MAP1A: variants seen among roughly 807,000 people sequenced by gnomAD.
MAP1A encodes microtubule associated protein 1A.
A neutral mutation model predicts 185.9 loss-of-function variants in MAP1A; 42 were observed. The ratio of observed to expected loss-of-function variants is 0.23; its 90% confidence interval spans 0.18 to 0.29. The LOEUF is 0.29. MAP1A is among the 10% of genes least tolerant of loss of function. The pLI is 1.00. For synonymous variants in MAP1A, 1,229 were observed against 1,335.9 expected, an observed-to-expected ratio of 0.92 and a Z score of 1.74; for missense variants, 2,995 against 3,450.4, an observed-to-expected ratio of 0.87 and a Z score of 3.31.
At chr15:43,512,139 A>T in intron 1 of MAP1A, 1 of 1,056,808 alleles carries the variant, frequency 9.5e-7, no homozygotes, top group South Asian at 1.3e-5. Flanking sequence ...CAGTCTCACC[A>T]CCCTACAACC....
At position 43,522,551 on chromosome 15, in the gene MAP1A, G is replaced by C. The variant is rs1566977221; in HGVS notation, c.1078G>C (p.Glu360Gln). ...SELAKELAKT[E>Q]KKAKESSEKP... ...GCTGGCCAAGGAGTTAGCCAAGACAGAGAAGAAGGCAAAAGAGTCATCTGA... is the reference window on the plus strand; with the variant it reads ...GCTGGCCAAGGAGTTAGCCAAGACACAGAAGAAGGCAAAAGAGTCATCTGA... The change falls in exon 4 of 6, where the codon GAG (glutamate) becomes CAG (glutamine). Residue 360 changes from glutamate (E) to glutamine (Q), a missense_variant. By Grantham distance (29) the Glu-to-Gln change is conservative. Transcript: ENST00000300231. The surrounding 1 kb of genome is among the most constrained non-coding windows in gnomAD (Gnocchi z 5.9). 1 of 1,611,636 alleles carries C rather than the reference G, an allele frequency of 6.2e-7. No individual in the cohort carries two copies. Among genetic ancestry groups the C allele is most frequent in the South Asian group, 1.1e-5 (1 of 90,816 alleles).
At position 43,525,222 on chromosome 15, in the gene MAP1A, C is replaced by T; in HGVS notation, c.3749C>T (p.Thr1250Ile). ...LMQAEDTSHHTAPMSVPEPHA... is the reference protein window; with the variant it reads ...LMQAEDTSHHIAPMSVPEPHA... ...CAGGCCGAGGATACCTCTCACCACA[C>T]AGCTCCCATGTCTGTTCCAGAGCCC... is the stretch of plus-strand genomic sequence containing the variant. Residue 1250 changes from threonine (T) to isoleucine (I), a missense_variant, in exon 4 of 6, where the codon ACA (threonine) becomes ATA (isoleucine). By Grantham distance (89) the Thr-to-Ile change is moderately conservative. Coordinates refer to ENST00000300231, the MANE Select transcript of MAP1A (RefSeq NM_002373.6). 1 of 1,614,154 alleles carries T rather than the reference C, an allele frequency of 6.2e-7. No individual in the cohort carries two copies. The highest frequency in any genetic ancestry group is 1.3e-5 in the African/African-American group (1 of 75,054).
rs1382692947 is a variant in MAP1A, at chr15:43,524,208, G to A, written c.2735G>A (p.Cys912Tyr). ...GACAAGGGCTTCAAATCACCACCCT[G>A]TGAGGACTTCTCTGTGACTGGGGAG... Reference protein sequence around the residue: ...EEDKGFKSPPCEDFSVTGESE... With the variant: ...EEDKGFKSPPYEDFSVTGESE... Residue 912 changes from cysteine (C) to tyrosine (Y), a missense_variant, in exon 4 of 6, where the codon TGT becomes TAT. By Grantham distance (194) the Cys-to-Tyr change is radical. This residue lies in a region of MAP1A where 2,728 missense variants were observed against 2,986.0 expected (regional missense o/e 0.91). Transcript: ENST00000300231. 6 of 1,614,200 alleles carry A rather than the reference G, an allele frequency of 3.7e-6. No individual in the cohort carries two copies. Among genetic ancestry groups the A allele is most frequent in the Non-Finnish European group, 2.5e-6 (3 of 1,180,036 alleles).
In MAP1A at chr15:43,522,325, G is replaced by A; in HGVS notation, c.852G>A (p.Arg284=). Residue 284 remains arginine (R), a synonymous_variant, in exon 4 of 6, where the codon CGG becomes CGA. Coordinates refer to ENST00000300231, the MANE Select transcript of MAP1A (RefSeq NM_002373.6). The surrounding 1 kb of genome is among the most constrained non-coding windows in gnomAD (Gnocchi z 5.9). ...TCTTGGAGGGCCTAGAAAAGCTTCG[G>A]CATCTGGACTTCCTGCGTTACCCTG... ...NKILEGLEKL[R]HLDFLRYPVA... 1.9e-6 allele frequency: 3 copies of A among 1,614,150 alleles called. No individual in the cohort carries two copies. Among genetic ancestry groups the A allele is most frequent in the Non-Finnish European group, 2.5e-6 (3 of 1,180,036 alleles).
At position 43,523,146 on chromosome 15, in the gene MAP1A, C is replaced by T. The variant is rs2079326755; in HGVS notation, c.1673C>T (p.Pro558Leu). The change falls in exon 4 of 6, where the codon CCA becomes CTA. Residue 558 changes from proline (P) to leucine (L), a missense_variant. Pro to Leu is a moderately conservative substitution (Grantham distance 98, BLOSUM62 -3). This residue lies in a region of MAP1A where 2,728 missense variants were observed against 2,986.0 expected (regional missense o/e 0.91). Transcript: ENST00000300231. Reference protein sequence around the residue: ...EQRDTGLGDKPFPLDTAEEGP... With the variant: ...EQRDTGLGDKLFPLDTAEEGP... The stretch of plus-strand genomic sequence containing the variant: ...AGGGACACAGGACTAGGAGATAAGC[C>T]ATTCCCTCTAGACACTGCAGAGGAG... 1.9e-6 allele frequency: 3 copies of T among 1,614,028 alleles called. No homozygotes were observed. Among genetic ancestry groups the T allele is most frequent in the Non-Finnish European group, 8.5e-7 (1 of 1,180,026 alleles).
chr15:43,529,774 T>C lies in MAP1A; in HGVS notation c.8160T>C (p.Tyr2720=). Residue 2720 remains tyrosine, a synonymous_variant, in exon 5 of 6, where the codon TAT becomes TAC. Coordinates refer to ENST00000300231, the MANE Select transcript of MAP1A (RefSeq NM_002373.6). The surrounding 1 kb of genome is among the most constrained non-coding windows in gnomAD (Gnocchi z 4.3). ...DFFRRVRASY[Y]VVSGNDPANG... ...TCCGTCGAGTGCGTGCATCCTACTA[T>C]GTGGTCAGTGGGAATGACCCTGCCA... The C allele has an allele frequency of 1.2e-6, 2 of 1,614,106 alleles. No individual in the cohort carries two copies. Among genetic ancestry groups the C allele is most frequent in the Non-Finnish European group, 1.7e-6 (2 of 1,180,002 alleles).
rs1315132098 is a variant in MAP1A, at chr15:43,524,826, T to C, written c.3353T>C (p.Leu1118Pro). 5.0e-6 allele frequency: 8 copies of C among 1,614,122 alleles called. No individual in the cohort carries two copies. The highest frequency in any genetic ancestry group is 1.3e-5 in the African/African-American group (1 of 75,016). The change falls in exon 4 of 6, where the codon CTT (leucine) becomes CCT (proline). Residue 1118 changes from leucine to proline, a missense_variant. Leu to Pro is a moderately conservative substitution (Grantham distance 98, BLOSUM62 -3). This residue lies in a region of MAP1A where 2,728 missense variants were observed against 2,986.0 expected (regional missense o/e 0.91). Coordinates refer to ENST00000300231, the MANE Select transcript of MAP1A (RefSeq NM_002373.6). ...PTGPILGAEA[L>P]PGGLRTLPQE... ...GGCCCAATTCTGGGAGCAGAAGCCCTTCCCGGAGGTTTGAGGACTTTACCC... is the reference window on the plus strand; with the variant it reads ...GGCCCAATTCTGGGAGCAGAAGCCCCTCCCGGAGGTTTGAGGACTTTACCC...
Position 43,521,812 on chromosome 15 carries a change from G to C in MAP1A, c.339G>C (p.Gln113His). The C allele has an allele frequency of 6.2e-7, 1 of 1,614,256 alleles. No individual in the cohort carries two copies. Among genetic ancestry groups the C allele is most frequent in the Non-Finnish European group, 8.5e-7 (1 of 1,180,048 alleles). The change falls in exon 4 of 6, where the codon CAG (glutamine) becomes CAC (histidine). Residue 113 changes from glutamine (Q) to histidine (H), a missense_variant. By Grantham distance (24) the Gln-to-His change is conservative (BLOSUM62 0). Around this residue, in one of 3 missense-constraint regions of MAP1A, gnomAD observed 264 missense variants for 435.3 expected, o/e 0.61. Coordinates refer to ENST00000300231, the MANE Select transcript of MAP1A (RefSeq NM_002373.6). This position sits in a 1 kb window ranked among gnomAD's most constrained non-coding sequence, Gnocchi z 4.6. ...QRKVAELEEE[Q>H]SQGSSSYSDW... ...AAGTGGCAGAGCTAGAGGAGGAGCA[G>C]TCCCAGGGCTCTAGCAGTTACAGCG...
In MAP1A at chr15:43,526,064, G is replaced by T; in HGVS notation, c.4591G>T (p.Glu1531Ter). Residue 1531 changes from glutamate (E) to a stop codon, truncating the protein, a stop_gained, in exon 4 of 6, where the codon GAA becomes TAA. Coordinates refer to ENST00000300231, the MANE Select transcript of MAP1A (RefSeq NM_002373.6). LOFTEE classifies it high-confidence loss of function. The surrounding 1 kb of genome is among the most constrained non-coding windows in gnomAD (Gnocchi z 4.7). ...RDLEQTDKAP[E>*]QKHQAQEQKD... ...CCTAGAACAGACAGACAAAGCCCCT[G>T]AACAGAAACACCAGGCCCAGGAACA... is the stretch of plus-strand genomic sequence containing the variant. The T allele has an allele frequency of 6.2e-7, 1 of 1,614,044 alleles. No homozygotes were observed. The highest frequency in any genetic ancestry group is 1.1e-5 in the South Asian group (1 of 91,076).
rs773557714 is a variant in MAP1A at position 43,530,049 on chromosome 15, ATATCT to A, written c.8257-14_8257-10del. The A allele has an allele frequency of 6.2e-6, 10 of 1,613,186 alleles. No homozygotes were observed. The highest frequency in any genetic ancestry group is 5.0e-5 in the Admixed American group (3 of 59,992). On this transcript the variant is annotated splice_polypyrimidine_tract_variant and intron_variant, in intron 5 of 5. Coordinates refer to ENST00000300231, the MANE Select transcript of MAP1A (RefSeq NM_002373.6). ...TTCCCTTTATGTTCTCACATCAGACATATCTTATCTCCCTTCTAGGTGACTCTGAT... is the reference window on the plus strand; with the variant it reads ...TTCCCTTTATGTTCTCACATCAGACATATCTCCCTTCTAGGTGACTCTGAT...
In MAP1A at chr15:43,529,319, G is replaced by A. The variant is rs755599328; in HGVS notation, c.7846G>A (p.Ala2616Thr). 19 of 1,614,036 alleles carry A rather than the reference G, an allele frequency of 1.2e-5. No homozygotes were observed. The highest frequency in any genetic ancestry group is 1.5e-5 in the Non-Finnish European group (18 of 1,180,008). The change falls in exon 4 of 6, where the codon GCG becomes ACG. Residue 2616 changes from alanine (A) to threonine (T), a missense_variant. Around this residue, in one of 3 missense-constraint regions of MAP1A, gnomAD observed 2,728 missense variants for 2,986.0 expected, o/e 0.91. Coordinates refer to ENST00000300231, the MANE Select transcript of MAP1A (RefSeq NM_002373.6). This position sits in a 1 kb window ranked among gnomAD's most constrained non-coding sequence, Gnocchi z 4.3. ...GRRAPGKAKP[A>T]SPARRLDLRG... ...CAGGGCCCCAGGCAAGGCCAAGCCA[G>A]CGTCCCCTGCACGGCGTCTGGATCT...
rs2079356080 is a variant in MAP1A at position 43,528,491 on chromosome 15, T to C, written c.7018T>C (p.Ser2340Pro). ...CATCCTGCCGTGCCACCTGGAGTGC[T>C]CAGAGGCAGCCACGGAGAAGCCAAG... Reference protein sequence around the residue: ...DGILPCHLECSEAATEKPSPF... With the variant: ...DGILPCHLECPEAATEKPSPF... Residue 2340 changes from serine (S) to proline (P), a missense_variant, in exon 4 of 6, where the codon TCA becomes CCA. By Grantham distance (74) the Ser-to-Pro change is moderately conservative. Coordinates refer to ENST00000300231, the MANE Select transcript of MAP1A (RefSeq NM_002373.6). The C allele has an allele frequency of 1.9e-6, 3 of 1,613,482 alleles. No homozygotes were observed. The highest frequency in any genetic ancestry group is 1.7e-6 in the Non-Finnish European group (2 of 1,180,000).
chr15:43,522,482 C>T lies in MAP1A; in HGVS notation c.1009C>T (p.Arg337Trp), dbSNP rs768207669. ...GACGGCCGTGAGCAAGTTGGCCAAA[C>T]GGGAGGAGGTGGTAGAAGAGGGAGC... ...TKTAVSKLAKREEVVEEGAKE... is the reference protein window; with the variant it reads ...TKTAVSKLAKWEEVVEEGAKE... The change falls in exon 4 of 6, where the codon CGG becomes TGG. Residue 337 changes from arginine to tryptophan, a missense_variant. Arg to Trp is a moderately radical substitution (Grantham distance 101, BLOSUM62 -3). Transcript: ENST00000300231. The surrounding 1 kb of genome is among the most constrained non-coding windows in gnomAD (Gnocchi z 5.9). 1.2e-5 allele frequency: 20 copies of T among 1,613,740 alleles called. No homozygotes were observed. The highest frequency in any genetic ancestry group is 1.3e-5 in the African/African-American group (1 of 74,818).
Position 43,528,216 on chromosome 15 carries a change from C to T in MAP1A, c.6743C>T (p.Pro2248Leu). 1 of 1,614,106 alleles carries T rather than the reference C, an allele frequency of 6.2e-7. No homozygotes were observed. The highest frequency in any genetic ancestry group is 1.1e-5 in the South Asian group (1 of 91,084). ...GGGGCCCCTCTCCTCTCCAATCTGC[C>T]ACGACCTGCCTCACCAGCCCTGTCT... The part of the protein sequence containing the change: ...SPGAPLLSNL[P>L]RPASPALSEG... The change falls in exon 4 of 6, where the codon CCA becomes CTA. Residue 2248 changes from proline (P) to leucine (L), a missense_variant. This residue lies in a region of MAP1A where 2,728 missense variants were observed against 2,986.0 expected (regional missense o/e 0.91). Coordinates refer to ENST00000300231, the MANE Select transcript of MAP1A (RefSeq NM_002373.6).
Position 43,528,423 on chromosome 15 carries a change from CCCTAGCT to C in MAP1A, c.6953_6959del (p.Leu2318GlnfsTer134). On this transcript the variant is annotated frameshift_variant, in exon 4 of 6. Coordinates refer to ENST00000300231, the MANE Select transcript of MAP1A (RefSeq NM_002373.6). LOFTEE classifies it high-confidence loss of function. Reference sequence around the variant, plus strand: ...GCACCCCCAGCTTCACTGGACTTGGCCCTAGCTCCAGCTCCAAGCCTGCCTGGAGACA... The same window carrying C: ...GCACCCCCAGCTTCACTGGACTTGGCCCAGCTCCAAGCCTGCCTGGAGACA... The C allele has an allele frequency of 6.2e-7, 1 of 1,613,656 alleles. No homozygotes were observed. Among genetic ancestry groups the C allele is most frequent in the Non-Finnish European group, 8.5e-7 (1 of 1,180,034 alleles).
chr15:43,527,479 C>A lies in MAP1A; in HGVS notation c.6006C>A (p.Thr2002=). Residue 2002 remains threonine (T), a synonymous_variant, in exon 4 of 6, where the codon ACC becomes ACA. Transcript: ENST00000300231. ...AAGDWPPCLS[T]KEAAAGRNTS... ...GGGATTGGCCCCCATGCCTCTCAAC[C>A]AAGGAGGCAGCTGCCGGCCGAAACA... 6.2e-7 allele frequency: 1 copy of A among 1,614,094 alleles called. No individual in the cohort carries two copies. Among genetic ancestry groups the A allele is most frequent in the Non-Finnish European group, 8.5e-7 (1 of 1,179,988 alleles).
Position 43,527,363 on chromosome 15 carries a change from A to G in MAP1A, c.5890A>G (p.Ser1964Gly), listed in dbSNP as rs755899457. 1 of 1,614,180 alleles carries G rather than the reference A, an allele frequency of 6.2e-7. No individual in the cohort carries two copies. Among genetic ancestry groups the G allele is most frequent in the East Asian group, 2.2e-5 (1 of 44,886 alleles). ...REPTPYPDERSFQYADIYEQM... is the reference protein window; with the variant it reads ...REPTPYPDERGFQYADIYEQM... ...GCCCACACCCTATCCTGATGAGAGAAGCTTTCAGTATGCAGACATCTATGA... is the reference window on the plus strand; with the variant it reads ...GCCCACACCCTATCCTGATGAGAGAGGCTTTCAGTATGCAGACATCTATGA... The change falls in exon 4 of 6, where the codon AGC becomes GGC. Residue 1964 changes from serine to glycine, a missense_variant. Physicochemically the swap from Ser to Gly is moderately conservative, Grantham distance 56. This residue lies in a region of MAP1A where 2,728 missense variants were observed against 2,986.0 expected (regional missense o/e 0.91). Coordinates refer to ENST00000300231, the MANE Select transcript of MAP1A (RefSeq NM_002373.6).
Position 43,529,738 on chromosome 15 carries a change from C to T in MAP1A, c.8124C>T (p.Asp2708=), listed in dbSNP as rs1315489492. ...IPNHCSGKTA[D]LDFFRRVRAS... is the part of the protein sequence containing the mutation. ...ATCATTGCAGTGGCAAGACTGCTGA[C>T]CTTGACTTCTTCCGTCGAGTGCGTG... Residue 2708 remains aspartate, a synonymous_variant, in exon 5 of 6, where the codon GAC becomes GAT. Transcript: ENST00000300231. The surrounding 1 kb of genome is among the most constrained non-coding windows in gnomAD (Gnocchi z 4.3). The T allele has an allele frequency of 9.3e-6, 15 of 1,614,092 alleles. No individual in the cohort carries two copies. The highest frequency in any genetic ancestry group is 2.2e-5 in the South Asian group (2 of 91,090).
At position 43,511,094 on chromosome 15, in the gene MAP1A, G is replaced by T; in HGVS notation, c.106G>T (p.Glu36Ter). 1 of 1,550,232 alleles carries T rather than the reference G, an allele frequency of 6.5e-7. No homozygotes were observed. Among genetic ancestry groups the T allele is most frequent in the Non-Finnish European group, 8.7e-7 (1 of 1,146,828 alleles). The change falls in exon 1 of 7, where the codon GAG becomes TAG. Residue 36 changes from glutamate (E) to a stop codon, truncating the protein, a stop_gained. Transcript: ENST00000382031. LOFTEE classifies it high-confidence loss of function. ...CGCACCGCTGGCTCAGAACCCCGCG[G>T]AGCTGCTGTGCGAGGCCGGAGCCGC...
Sources: gnomAD v4.1 joint callset for allele counts on GRCh38, gnomAD v4.1.1 for gene constraint, gnomAD v4.1.1 regional missense constraint, Gnocchi (gnomAD v3.1) non-coding constraint, MANE v1.5 for transcripts, NCBI Gene and HGNC (gene_info 2026-07-23, HGNC 2026-07-21) for gene names.